NBEA: variants seen among roughly 807,000 people sequenced by gnomAD.
NBEA encodes the protein neurobeachin.
Under a neutral mutation model 343.4 loss-of-function variants are expected in NBEA, and 44 were observed. That is an observed-to-expected ratio of 0.13 (90% CI 0.10 to 0.16). The LOEUF (loss-of-function observed/expected upper bound fraction) is 0.16, where lower values mean the gene tolerates loss of function less well. Ranked by LOEUF, NBEA falls within the 10% of genes least tolerant of loss-of-function variation. The pLI is 1.00. For missense variants in NBEA, 2,555 were observed against 3,631.3 expected (o/e 0.70, Z 7.62); for synonymous variants, 1,175 against 1,238.7 (o/e 0.95, Z 1.08).
intron 1 of NBEA, among the ~76,000 whole-genome samples, chr13:35,023,868 G>A: frequency 6.6e-6 from 1 of 152,250 alleles, no homozygotes; most frequent in East Asian, 1.9e-4. Flanking sequence ...GCGCAGGTTT[G>A]TTACGTGGGT....
chr13:35,133,553 T>C (rs1403678130), intron 17 of NBEA, among the ~76,000 whole-genome samples: 1 of 151,438 alleles, frequency 6.6e-6, no homozygotes, highest in East Asian at 1.9e-4. Context: ...ATATTAAAAG[T>C]TGGAAACAAC....
chr13:35,019,551 G>A (rs149901081), intron 1 of NBEA, among the ~76,000 whole-genome samples: 25 of 152,096 alleles, frequency 1.6e-4, no homozygotes, highest in African/African-American at 5.5e-4. Context: ...CACCTGCCTC[G>A]ATTAAAATTC....
intron 41 of NBEA, among the ~76,000 whole-genome samples, chr13:35,509,083 A>C (rs2077174839): frequency 1.3e-5 from 2 of 152,158 alleles, no homozygotes; most frequent in Admixed American, 6.5e-5. Flanking sequence ...ACTGTTTATA[A>C]TGGCGGATGC....
intron 48 of NBEA, among the ~76,000 whole-genome samples, chr13:35,609,523 T>C (rs1209865868): frequency 6.6e-6 from 1 of 152,214 alleles, no homozygotes; most frequent in African/African-American, 2.4e-5. Context: ...TAAACCATCT[T>C]GTCTTAAGTT....
chr13:35,615,610 G>A (rs1182856887), intron 48 of NBEA, among the ~76,000 whole-genome samples: 1 of 152,132 alleles, frequency 6.6e-6, no homozygotes, highest in Non-Finnish European at 1.5e-5. Flanking sequence ...CTCCAAAAGT[G>A]CTGGGATTAC....
intron 36 of NBEA, among the ~76,000 whole-genome samples, chr13:35,321,090 T>G (rs1365692549): frequency 6.6e-6 from 1 of 152,112 alleles, no homozygotes; most frequent in Non-Finnish European, 1.5e-5. Flanking sequence ...GAAGCCTGCT[T>G]CTGTCAATTT....
rs201090886 is a variant in NBEA, at chr13:35,071,651, G to GTA, written c.1571+808_1571+809dup. On this transcript the variant is annotated intron_variant, in intron 10 of 58. Coordinates refer to ENST00000379939, the MANE Select transcript of NBEA (RefSeq NM_001385012.1). ...AGTAACATAGTAGTGCTTCATTAGTGTATATATATACATATACATGAGCTC... is the reference window on the plus strand; with the variant it reads ...AGTAACATAGTAGTGCTTCATTAGTGTATATATATATACATATACATGAGCTC... Among the ~76,000 whole-genome samples the GTA allele has an allele frequency of 6.4e-3, 977 of 151,848 alleles. 11 individuals are homozygous for GTA. The highest frequency in any genetic ancestry group is 0.022 in the African/African-American group (932 of 41,456).
At chr13:34,995,316 G>C (rs745498991) in intron 1 of NBEA, among the ~76,000 whole-genome samples, 1 of 151,930 alleles carries the variant, frequency 6.6e-6, no homozygotes, top group Non-Finnish European at 1.5e-5. Flanking sequence ...AATGAGCCTG[G>C]CATGGTGGCA....
At chr13:35,145,948 C>G (rs1566360482) in intron 18 of NBEA, among the ~76,000 whole-genome samples, 1 of 152,140 alleles carries the variant, frequency 6.6e-6, no homozygotes, top group Non-Finnish European at 1.5e-5. Context: ...AGGTTAGAGT[C>G]CTCACCTGGC....
At chr13:35,227,440 A>G (rs2074716859) in intron 33 of NBEA, among the ~76,000 whole-genome samples, 2 of 152,072 alleles carry the variant, frequency 1.3e-5, no homozygotes, top group South Asian at 4.1e-4. Context: ...TGTTTACCTA[A>G]ACCCAATCAG....
In NBEA at chr13:35,121,391, G is replaced by A. The variant is rs563887264; in HGVS notation, c.2244-2091G>A. Among the ~76,000 whole-genome samples the A allele has an allele frequency of 2.0e-5, 3 of 152,074 alleles. No individual in the cohort carries two copies. In the East Asian group the frequency reaches 5.8e-4, roughly 29 times the overall value. ...TAAAGTGTTAGGATTACAGGCATGA[G>A]CCACCATGCCTGGCCCAGACTGTGA... On this transcript the variant is annotated intron_variant, in intron 16 of 58. Coordinates refer to ENST00000379939, the MANE Select transcript of NBEA (RefSeq NM_001385012.1).
chr13:35,145,471 G>A (rs562169608), intron 18 of NBEA, among the ~76,000 whole-genome samples: 108 of 152,186 alleles, frequency 7.1e-4, no homozygotes, highest in Non-Finnish European at 1.2e-3. Context: ...CTTATCTGAG[G>A]CCTCTTTAGT....
At chr13:35,655,465 G>T in intron 54 of NBEA, 114 bp from the exon 55 acceptor site, 1 of 1,156,500 alleles carries the variant, frequency 8.6e-7, no homozygotes, top group Non-Finnish European at 1.2e-6. Context: ...CACAAAACTG[G>T]TAAAATAAAA....
intron 41 of NBEA, among the ~76,000 whole-genome samples, chr13:35,529,130 C>T (rs184974642): frequency 1.3e-5 from 2 of 152,180 alleles, no homozygotes; most frequent in East Asian, 1.9e-4. Flanking sequence ...CCCTTTGAGG[C>T]AGACATGATT....
At chr13:35,490,235 C>T (rs2076453496) in intron 41 of NBEA, among the ~76,000 whole-genome samples, 1 of 151,872 alleles carries the variant, frequency 6.6e-6, no homozygotes, top group Non-Finnish European at 1.5e-5. Context: ...GTTTTATAAG[C>T]TATGTCCTAT....
At chr13:35,605,980 A>T (rs2082267982) in intron 47 of NBEA, among the ~76,000 whole-genome samples, 1 of 152,160 alleles carries the variant, frequency 6.6e-6, no homozygotes, top group Non-Finnish European at 1.5e-5. Flanking sequence ...TATAGTTAAA[A>T]ACAAAAGTAG....
rs1231402277 is a variant in NBEA, at chr13:35,617,739, C to T, written c.7450-10342C>T. Among the ~76,000 whole-genome samples, 6 of 152,172 alleles carry T rather than the reference C, an allele frequency of 3.9e-5. 1 individual carries two copies. The East Asian group carries it at 1.2e-3, about 29-fold the overall frequency. ...TTCATAGTTTCTGTTGCTCCAACTC[C>T]TGGTCGGTTTTCTCATCCTACTACT... On this transcript the variant is annotated intron_variant, in intron 48 of 58. Transcript: ENST00000379939.
At chr13:35,002,625 A>C (rs1301964649) in intron 1 of NBEA, among the ~76,000 whole-genome samples, 1 of 152,204 alleles carries the variant, frequency 6.6e-6, no homozygotes, top group Admixed American at 6.5e-5. Flanking sequence ...GTGCAAAAGT[A>C]ATTGCAGTTT....
intron 1 of NBEA, among the ~76,000 whole-genome samples, chr13:35,013,580 C>T (rs1455542589): frequency 3.3e-5 from 5 of 151,928 alleles, no homozygotes; most frequent in African/African-American, 9.7e-5. Context: ...AGGCGATTCT[C>T]CTGCCTCTGC....
Sources: allele counts gnomAD v4.1 joint callset (sites outside exome capture counted in the v4.1 genomes callset), GRCh38; gene constraint gnomAD v4.1.1; transcripts MANE v1.5; gene names NCBI Gene and HGNC (gene_info 2026-07-23, HGNC 2026-07-21).